The following RBFOX1 variants were observed in gnomAD, a reference collection of about 807,000 sequenced individuals.
The protein encoded by RBFOX1 is RNA binding fox-1 homolog 1.
Under a neutral mutation model 57.7 loss-of-function variants are expected in RBFOX1, and 8 were observed. The ratio of observed to expected loss-of-function variants is 0.14; its 90% CI spans 0.08 to 0.25. The LOEUF is 0.25. Among genes scored for constraint, RBFOX1 ranks in the 10% least tolerant of loss-of-function variants. RBFOX1 has a pLI of 1.00. For synonymous variants in RBFOX1, 326 were observed against 222.4 expected (o/e 1.47, Z -4.15); for missense variants, 611 against 548.5 (o/e 1.11, Z -1.14).
At chr16:5,588,015 A>T (rs1207140459) in intron 2 of RBFOX1, among the ~76,000 whole-genome samples, 1 of 152,118 alleles carries the variant, frequency 6.6e-6, no homozygotes, top group Non-Finnish European at 1.5e-5. Context: ...GCAATAGAAT[A>T]TTTTCAGCAA....
intron 4 of RBFOX1, among the ~76,000 whole-genome samples, chr16:7,466,507 G>C (rs1023826424): frequency 6.6e-6 from 1 of 152,108 alleles, no homozygotes; most frequent in African/African-American, 2.4e-5. Flanking sequence ...ATGGAGCCCA[G>C]ATGTGAAGTT....
intron 1 of RBFOX1, among the ~76,000 whole-genome samples, chr16:5,421,621 C>T (rs28653230): frequency 0.43 from 64,876 of 151,996 alleles, 16,565 homozygotes; most frequent in East Asian, 0.62. Flanking sequence ...ACCCCCACCC[C>T]GGGAGGACCT....
chr16:7,143,138 G>A (rs910800407), intron 4 of RBFOX1, among the ~76,000 whole-genome samples: 1 of 152,112 alleles, frequency 6.6e-6, no homozygotes, highest in African/African-American at 2.4e-5. Context: ...GTTGGGGAAA[G>A]CAAAAAGCCG....
intron 3 of RBFOX1, among the ~76,000 whole-genome samples, chr16:5,769,626 C>T (rs574478211): frequency 2.9e-4 from 44 of 152,116 alleles, no homozygotes; most frequent in African/African-American, 9.4e-4. Context: ...GGAATCTAGT[C>T]TGGGCAACAG....
chr16:7,176,394 G>T (rs2081650901), intron 4 of RBFOX1, among the ~76,000 whole-genome samples: 1 of 151,856 alleles, frequency 6.6e-6, no homozygotes, highest in African/African-American at 2.4e-5. Context: ...ACTATAATTT[G>T]ACCACACACA....
intron 3 of RBFOX1, among the ~76,000 whole-genome samples, chr16:6,916,070 C>G (rs532640948): frequency 6.6e-6 from 1 of 152,196 alleles, no homozygotes; most frequent in Non-Finnish European, 1.5e-5. Context: ...CTCCCCAGAC[C>G]CAGGGCTTAT....
At chr16:5,801,098 G>A (rs1311217900) in intron 3 of RBFOX1, among the ~76,000 whole-genome samples, 3 of 152,150 alleles carry the variant, frequency 2.0e-5, no homozygotes, top group Non-Finnish European at 4.4e-5. Context: ...CCCAGAGTGT[G>A]TACGGAAGTG....
chr16:7,291,020 C>T (rs1444047009), intron 4 of RBFOX1, among the ~76,000 whole-genome samples: 2 of 152,154 alleles, frequency 1.3e-5, no homozygotes, highest in African/African-American at 4.8e-5. Flanking sequence ...ACTGGGCATT[C>T]TGGGATTTGT....
At chr16:5,933,972 G>A (rs575650817) in intron 4 of RBFOX1, among the ~76,000 whole-genome samples, 90 of 152,162 alleles carry the variant, frequency 5.9e-4, no homozygotes, top group African/African-American at 2.1e-3. Context: ...GTAGGCGCCT[G>A]TGTCTGTTGT....
At chr16:6,696,584 T>C (rs902111493) in intron 3 of RBFOX1, among the ~76,000 whole-genome samples, 4 of 152,238 alleles carry the variant, frequency 2.6e-5, no homozygotes, top group African/African-American at 9.6e-5. Context: ...CATTGAGCTT[T>C]CTCATTCATA....
At chr16:7,045,651 A>C (rs2047655548) in intron 3 of RBFOX1, among the ~76,000 whole-genome samples, 2 of 146,264 alleles carry the variant, frequency 1.4e-5, no homozygotes, top group Admixed American at 1.4e-4. Context: ...CTTGTTATAT[A>C]CTTTTTTTTT....
intron 3 of RBFOX1, among the ~76,000 whole-genome samples, chr16:5,662,594 C>T (rs556083460): frequency 2.6e-5 from 4 of 152,096 alleles, no homozygotes; most frequent in Non-Finnish European, 5.9e-5. Flanking sequence ...GGAGTTACCC[C>T]CTACCATTTT....
At chr16:7,528,428 G>C (rs1455234436) in intron 5 of RBFOX1, among the ~76,000 whole-genome samples, 1 of 152,134 alleles carries the variant, frequency 6.6e-6, no homozygotes, top group East Asian at 1.9e-4. Context: ...AGTGTTTGAA[G>C]GACCTAATTC....
At chr16:6,815,863 C>G (rs1184760607) in intron 3 of RBFOX1, among the ~76,000 whole-genome samples, 1 of 152,142 alleles carries the variant, frequency 6.6e-6, no homozygotes, top group Non-Finnish European at 1.5e-5. Context: ...AACACTCAGT[C>G]TGTTTGAATG....
At position 6,917,417 on chromosome 16, in the gene RBFOX1, A is replaced by G. The variant is rs183758542; in HGVS notation, c.-15-134640A>G. Among the ~76,000 whole-genome samples, 798 of 152,324 alleles carry G rather than the reference A, an allele frequency of 5.2e-3. 9 individuals carry two copies. The highest frequency in any genetic ancestry group is 0.027 in the Middle Eastern group (8 of 294). On this transcript the variant is annotated intron_variant, in intron 3 of 15. Coordinates refer to ENST00000550418, the MANE Select transcript of RBFOX1 (RefSeq NM_018723.4). ...AGCTCTATATCTTATAAAGAAATCT[A>G]CAAGTGCTTTTGTCCTTGATGTGTT...
intron 3 of RBFOX1, among the ~76,000 whole-genome samples, chr16:6,908,186 G>A (rs1373638786): frequency 1.3e-5 from 2 of 151,716 alleles, no homozygotes; most frequent in African/African-American, 4.8e-5. Flanking sequence ...CATCCGTGCA[G>A]TTCAGATTAT....
chr16:7,017,419 A>G (rs1016027420), intron 3 of RBFOX1, among the ~76,000 whole-genome samples: 1 of 152,188 alleles, frequency 6.6e-6, no homozygotes, highest in Non-Finnish European at 1.5e-5. Flanking sequence ...TCAGAGAATG[A>G]GATAAATCTT....
intron 4 of RBFOX1, among the ~76,000 whole-genome samples, chr16:7,387,303 C>T (rs1331925076): frequency 6.6e-6 from 1 of 151,982 alleles, no homozygotes; most frequent in Non-Finnish European, 1.5e-5. Flanking sequence ...TATTTTTATC[C>T]TCATTTTATA....
intron 2 of RBFOX1, among the ~76,000 whole-genome samples, chr16:6,433,716 T>C (rs1302198010): frequency 6.6e-6 from 1 of 152,142 alleles, no homozygotes; most frequent in Non-Finnish European, 1.5e-5. Flanking sequence ...TTCTTGCTTT[T>C]TCCTGTTTCT....
Sources: gnomAD v4.1 joint callset for allele counts (sites outside exome capture counted in the v4.1 genomes callset) on GRCh38, gnomAD v4.1.1 for gene constraint, MANE v1.5 for transcripts, NCBI Gene and HGNC (gene_info 2026-07-23, HGNC 2026-07-21) for gene names.